Variants in CTRC observed in about 807,000 individuals in gnomAD.
CTRC encodes the protein chymotrypsin C.
Under a neutral mutation model 35.7 loss-of-function variants are expected in CTRC, and 32 were observed. The ratio of observed to expected loss-of-function variants is 0.90; its 90% CI spans 0.68 to 1.20. The LOEUF (loss-of-function observed/expected upper bound fraction) is 1.20. Ranked by LOEUF, CTRC falls within the 50% of genes most tolerant of loss-of-function variation. CTRC has a pLI of 0.00. For missense variants in CTRC, 324 were observed against 361.5 expected (o/e 0.90, Z 0.84); for synonymous variants, 119 against 149.5 (o/e 0.80, Z 1.49).
In CTRC at chr1:15,445,719, G is replaced by T. The variant is rs748753747; in HGVS notation, c.762G>T (p.Arg254=). Residue 254 remains arginine (R), a synonymous_variant, in exon 7 of 8, where the codon CGG becomes CGT. Transcript: ENST00000375949. ...NTRKKPVVYT[R]VSAYIDWINE... ...GCAAGAAGCCGGTAGTCTACACCCG[G>T]GTGTCCGCCTACATCGACTGGATCA... The T allele has an allele frequency of 1.9e-6, 3 of 1,614,142 alleles. No homozygotes were observed. The South Asian group carries it at 3.3e-5, about 18-fold the overall frequency.
rs958457195 is a variant in CTRC at position 15,448,357 on chromosome 1, T to A, written c.*1768T>A. 6.7e-6 allele frequency: 1 copy of A among 149,810 alleles called. No homozygotes were observed. The highest frequency in any genetic ancestry group is 2.5e-5 in the African/African-American group (1 of 40,726). 9.3% of individuals were successfully genotyped at this position (149,810 alleles called of 1,614,324 possible). A position where few individuals can be genotyped will look rare whatever the true frequency, so the allele number is the denominator to read the frequency against. ...ACAGCTAATTTTTTTTTTTTTTTTT[T>A]AGACAGAGTCTCGCTCTCTCACCTG... On this transcript the variant is annotated 3_prime_UTR_variant, in exon 8 of 8. Transcript: ENST00000375949.
chr1:15,448,968 C>T lies in CTRC; in HGVS notation c.*2379C>T, dbSNP rs899412820. ...CATTTATTGGGCACTTAGTATGTGC[C>T]AAGCACTATCCTATAGGTTTTACAT... is the stretch of plus-strand genomic sequence containing the variant. On this transcript the variant is annotated 3_prime_UTR_variant, in exon 8 of 8. Coordinates refer to ENST00000375949, the MANE Select transcript of CTRC (RefSeq NM_007272.3). 1 of 152,094 alleles carries T rather than the reference C, an allele frequency of 6.6e-6. No homozygotes were observed. The highest frequency in any genetic ancestry group is 1.5e-5 in the Non-Finnish European group (1 of 68,016). 9.4% of individuals were successfully genotyped at this position (152,094 alleles called of 1,614,324 possible). A position where few individuals can be genotyped will look rare whatever the true frequency, so the allele number is the denominator to read the frequency against.
rs531365284 is a variant in CTRC at position 15,444,815 on chromosome 1, G to A, written c.639+64G>A. 139 of 1,604,692 alleles carry A rather than the reference G, an allele frequency of 8.7e-5. No homozygotes were observed. The African/African-American group carries it at 1.8e-3, about 21-fold the overall frequency. The stretch of plus-strand genomic sequence containing the variant: ...TGGCCAAGTGGATGTGGGCAAAGGG[G>A]GGTGCGATGGACCAAACCCTTCTCC... On this transcript the variant is annotated intron_variant, in intron 6 of 7. Transcript: ENST00000375949.
chr1:15,444,813 G>T (rs1030867093), intron 6 of CTRC, 62 bp downstream of exon 6: 60 of 1,608,420 alleles, frequency 3.7e-5, no homozygotes, highest in Middle Eastern at 1.7e-4. Context: ...GTGGGCAAAG[G>T]GGGGTGCGAT....
At chr1:15,442,719 T>A in intron 4 of CTRC, 147 bp downstream of exon 4, 1 of 1,165,776 alleles carries the variant, frequency 8.6e-7, no homozygotes, top group Non-Finnish European at 1.2e-6. Flanking sequence ...TTACACAAAA[T>A]GGCAAAATGC....
At chr1:15,443,624 AC>A in intron 5 of CTRC, 69 bp downstream of exon 5, 7 of 1,603,320 alleles carry the variant, frequency 4.4e-6, no homozygotes, top group Non-Finnish European at 6.0e-6. Flanking sequence ...ACATTTGTCC[AC>A]CACTTTGCCT....
chr1:15,442,631 C>A, intron 4 of CTRC, 59 bp downstream of exon 4: 1 of 1,609,662 alleles, frequency 6.2e-7, no homozygotes, highest in South Asian at 1.1e-5. Context: ...GAGGGGTCCC[C>A]AAGACGGAGC....
chr1:15,439,898 C>A (rs189267941), intron 1 of CTRC, among the ~76,000 whole-genome samples: 1 of 152,142 alleles, frequency 6.6e-6, no homozygotes, highest in Non-Finnish European at 1.5e-5. Context: ...TGCACCACCA[C>A]GCCTGGCTAA....
In CTRC at chr1:15,443,573, C is replaced by A. The variant is rs1352796824; in HGVS notation, c.493+18C>A. ...CCTCTGGAGTGAGTATCGTCCCTGG[C>A]AAATCCTGAGAGCCTTCCTGAAGGA... On this transcript the variant is annotated intron_variant, in intron 5 of 7. Coordinates refer to ENST00000375949, the MANE Select transcript of CTRC (RefSeq NM_007272.3). 2 of 1,614,052 alleles carry A rather than the reference C, an allele frequency of 1.2e-6. No individual in the cohort carries two copies. The highest frequency in any genetic ancestry group is 1.7e-6 in the Non-Finnish European group (2 of 1,180,040).
intron 1 of CTRC, 69 bp from the exon 2 acceptor site, chr1:15,440,231 C>CA: frequency 2.2e-6 from 1 of 456,974 alleles, no homozygotes; most frequent in South Asian, 1.6e-5. Flanking sequence ...CACCTGCCCA[C>CA]CCTCCCACCC....
Position 15,438,563 on chromosome 1 carries a change from C to T in CTRC, c.40+59C>T. On this transcript the variant is annotated intron_variant, in intron 1 of 7. Transcript: ENST00000375949. ...TGTGAGCTCGGGCTGGCCTCCAGGGCAAGGACGGGATGGGGAGTGGGGGGG... is the reference window on the plus strand; with the variant it reads ...TGTGAGCTCGGGCTGGCCTCCAGGGTAAGGACGGGATGGGGAGTGGGGGGG... The T allele has an allele frequency of 8.1e-6, 13 of 1,598,058 alleles. No individual in the cohort carries two copies. The highest frequency in any genetic ancestry group is 1.0e-5 in the Non-Finnish European group (12 of 1,168,008).
At position 15,446,864 on chromosome 1, in the gene CTRC, G is replaced by A; in HGVS notation, c.*275G>A. 1.7e-6 allele frequency: 1 copy of A among 573,678 alleles called. No homozygotes were observed. Among genetic ancestry groups the A allele is most frequent in the Non-Finnish European group, 3.1e-6 (1 of 320,462 alleles). 35.5% of individuals were successfully genotyped at this position (573,678 alleles called of 1,614,324 possible). ...CAGGGGGCTGGGGTGGAGAGCCCAG[G>A]GAGTCCTGCGTGAAGCCGGAGGGGA... On this transcript the variant is annotated 3_prime_UTR_variant, in exon 8 of 8. Coordinates refer to ENST00000375949, the MANE Select transcript of CTRC (RefSeq NM_007272.3).
intron 1 of CTRC, among the ~76,000 whole-genome samples, chr1:15,438,806 G>A (rs1422220649): frequency 6.6e-6 from 1 of 152,202 alleles, no homozygotes. Flanking sequence ...TCACCCCAGG[G>A]ACCATCGGGG....
At chr1:15,440,000 C>A (rs1339685988) in intron 1 of CTRC, among the ~76,000 whole-genome samples, 1 of 152,192 alleles carries the variant, frequency 6.6e-6, no homozygotes, top group Admixed American at 6.5e-5. Context: ...CCTTGGCCAC[C>A]CAAAGTGCTG....
rs951645531 is a variant in CTRC, at chr1:15,445,523, C to G, written c.640-74C>G. On this transcript the variant is annotated intron_variant, in intron 6 of 7. Transcript: ENST00000375949. ...GAGAAGCCAACCCACATCCCCCACC[C>G]CAACCCAGTCCTGCTTCCCAAGACT... 1.5e-4 allele frequency: 237 copies of G among 1,536,988 alleles called. 6 individuals are homozygous for G. The East Asian group carries it at 5.3e-3, about 34-fold the overall frequency.
At chr1:15,444,274 A>C (rs1708180715) in intron 5 of CTRC, among the ~76,000 whole-genome samples, 1 of 151,964 alleles carries the variant, frequency 6.6e-6, no homozygotes, top group Non-Finnish European at 1.5e-5. Context: ...AAAAAAAAGA[A>C]AGAGAAATAG....
At chr1:15,443,774 A>G (rs1708171952) in intron 5 of CTRC, among the ~76,000 whole-genome samples, 1 of 152,254 alleles carries the variant, frequency 6.6e-6, no homozygotes, top group African/African-American at 2.4e-5. Context: ...AGAATTTGTC[A>G]AGTGCTCAGA....
At chr1:15,443,802 G>A (rs1011711216) in intron 5 of CTRC, among the ~76,000 whole-genome samples, 1 of 152,188 alleles carries the variant, frequency 6.6e-6, no homozygotes, top group Non-Finnish European at 1.5e-5. Context: ...TTGGCACATA[G>A]TAAGTGTCAC....
chr1:15,444,599 T>A lies in CTRC; in HGVS notation c.494-7T>A. On this transcript the variant is annotated splice_polypyrimidine_tract_variant and splice_region_variant and intron_variant, in intron 5 of 7. Coordinates refer to ENST00000375949, the MANE Select transcript of CTRC (RefSeq NM_007272.3). ...GCCTCCCTGGTCACTGCTCACTCTC[T>A]CCCCAGCCAACGGCCCCATTGCTGA... 1 of 1,613,996 alleles carries A rather than the reference T, an allele frequency of 6.2e-7. No homozygotes were observed. Among genetic ancestry groups the A allele is most frequent in the Non-Finnish European group, 8.5e-7 (1 of 1,179,964 alleles).
Sources: gnomAD v4.1 joint callset for allele counts (sites outside exome capture counted in the v4.1 genomes callset) on GRCh38, gnomAD v4.1.1 for gene constraint, MANE v1.5 for transcripts, NCBI Gene and HGNC (gene_info 2026-07-23, HGNC 2026-07-21) for gene names.